The following LHCGR variants were observed in gnomAD, a reference collection of about 807,000 sequenced individuals.
LHCGR encodes the protein luteinizing hormone/choriogonadotropin receptor.
Under a neutral mutation model 60.7 loss-of-function variants are expected in LHCGR, and 55 were observed. That is an observed-to-expected ratio of 0.91 (90% CI 0.73 to 1.13). LHCGR has a LOEUF of 1.13. Among genes scored for constraint, LHCGR ranks in the 50% most tolerant of loss-of-function variants. The pLI, the probability that LHCGR is intolerant of heterozygous loss-of-function variation, is 0.00. For synonymous variants in LHCGR, 337 were observed against 316.5 expected (o/e 1.06, Z -0.69); for missense variants, 862 against 836.0 (o/e 1.03, Z -0.38).
At chr2:48,717,131 G>C (rs1465123148) in intron 6 of LHCGR, among the ~76,000 whole-genome samples, 1 of 152,178 alleles carries the variant, frequency 6.6e-6, no homozygotes, top group Non-Finnish European at 1.5e-5. Context: ...TCTAAGTGAT[G>C]ATCGCACTAC....
intron 8 of LHCGR, among the ~76,000 whole-genome samples, chr2:48,707,195 C>T (rs1018237129): frequency 6.6e-6 from 1 of 152,214 alleles, no homozygotes; most frequent in Admixed American, 6.5e-5. Context: ...CCACTCCGGA[C>T]TCTGTTTGCC....
At chr2:48,713,695 G>A (rs1008447443) in intron 7 of LHCGR, among the ~76,000 whole-genome samples, 13 of 152,156 alleles carry the variant, frequency 8.5e-5, no homozygotes, top group African/African-American at 3.1e-4. Flanking sequence ...ATCAACCTGA[G>A]TGAGGGGGCT....
chr2:48,740,542 C>A (rs936707868), intron 1 of LHCGR, among the ~76,000 whole-genome samples: 1 of 152,130 alleles, frequency 6.6e-6, no homozygotes, highest in Non-Finnish European at 1.5e-5. Context: ...CCCCTGACCC[C>A]TGAGCAGCCT....
rs528401282 is a variant in LHCGR, at chr2:48,697,217, T to C, written c.866+1398A>G. Among the ~76,000 whole-genome samples, 7 of 152,350 alleles carry C rather than the reference T, an allele frequency of 4.6e-5. No homozygotes were observed. The East Asian group carries it at 1.2e-3, about 25-fold the overall frequency. On this transcript the variant is annotated intron_variant, in intron 9 of 10. Coordinates refer to ENST00000294954, the MANE Select transcript of LHCGR (RefSeq NM_000233.4). ...TTCTATCTTCTTTGCTTTTTCTCACTCTGTCTAGACAACTCCTGCCTGTTC... is the reference window on the plus strand; with the variant it reads ...TTCTATCTTCTTTGCTTTTTCTCACCCTGTCTAGACAACTCCTGCCTGTTC...
intron 8 of LHCGR, among the ~76,000 whole-genome samples, chr2:48,701,460 T>C (rs1667404269): frequency 6.6e-6 from 1 of 152,326 alleles, no homozygotes; most frequent in Non-Finnish European, 1.5e-5. Flanking sequence ...CTCAGGCCTT[T>C]GCTTTTGCTG....
intron 3 of LHCGR, 40 bp from the exon 4 acceptor site, chr2:48,725,790 G>T: frequency 6.9e-7 from 1 of 1,448,820 alleles, no homozygotes. Flanking sequence ...CTGTTTAATA[G>T]ATGTGTATTG....
intron 6 of LHCGR, chr2:48,721,855 G>T: frequency 2.2e-6 from 1 of 460,724 alleles, no homozygotes; most frequent in Admixed American, 2.5e-5. Flanking sequence ...TGGGCTTTAG[G>T]TATAAAGAAA....
chr2:48,709,501 CT>C (rs1667874600), intron 7 of LHCGR, among the ~76,000 whole-genome samples: 2 of 152,144 alleles, frequency 1.3e-5, no homozygotes, highest in African/African-American at 4.8e-5. Context: ...AAAGTTATCC[CT>C]TTTGTAGTGT....
At chr2:48,714,185 C>T (rs910996204) in intron 6 of LHCGR, 131 bp from the exon 7 acceptor site, 27 of 702,052 alleles carry the variant, frequency 3.8e-5, no homozygotes, top group Non-Finnish European at 6.8e-5. Context: ...TCTCCATCAT[C>T]ACCACCACCA....
At chr2:48,730,505 T>C (rs1471812435) in intron 2 of LHCGR, among the ~76,000 whole-genome samples, 2 of 152,220 alleles carry the variant, frequency 1.3e-5, no homozygotes, top group Non-Finnish European at 2.9e-5. Flanking sequence ...TAGCATCTTC[T>C]TTAGAGATGC....
chr2:48,691,179 A>G (rs1340292330), intron 10 of LHCGR, among the ~76,000 whole-genome samples: 3 of 152,234 alleles, frequency 2.0e-5, no homozygotes, highest in African/African-American at 7.2e-5. Flanking sequence ...ACATATTATT[A>G]AAAGCATATT....
At chr2:48,690,206 T>C (rs1449853251) in intron 10 of LHCGR, among the ~76,000 whole-genome samples, 3 of 152,196 alleles carry the variant, frequency 2.0e-5, no homozygotes, top group East Asian at 1.9e-4. Flanking sequence ...TCCAAACTCA[T>C]TGTGATGACT....
Position 48,747,400 on chromosome 2 carries a change from G to A in LHCGR, c.161+8111C>T, listed in dbSNP as rs189625341. Among the ~76,000 whole-genome samples, 3 of 152,308 alleles carry A rather than the reference G, an allele frequency of 2.0e-5. No individual in the cohort carries two copies. In the East Asian group the frequency reaches 5.8e-4, roughly 29 times the overall value. On this transcript the variant is annotated intron_variant, in intron 1 of 10. Transcript: ENST00000294954. ...AGCCACTGTGCCTGAGAATGGGTTT[G>A]AAGTGCCTGAAATTACTGGCCTGTG...
intron 1 of LHCGR, among the ~76,000 whole-genome samples, chr2:48,752,996 GT>G (rs1349655763): frequency 0.011 from 873 of 78,186 alleles, 4 homozygotes; most frequent in Middle Eastern, 0.016. Flanking sequence ...GGGGGGGGGG[GT>G]GGGGAAGGGA....
Position 48,714,052 on chromosome 2 carries a change from T to C in LHCGR, c.539A>G (p.Lys180Arg). ...TTCTTCAAATCCATTTCCATATAGTTTGCTGAAGGAGGGAGGAGAGGGTTT... is the reference window on the plus strand; with the variant it reads ...TTCTTCAAATCCATTTCCATATAGTCTGCTGAAGGAGGGAGGAGAGGGTTT... Reference protein sequence around the residue: ...QGMNNESVTLKLYGNGFEEVQ... With the variant: ...QGMNNESVTLRLYGNGFEEVQ... Residue 180 changes from lysine to arginine, a missense_variant and splice_region_variant, in exon 7 of 11, where the codon AAA becomes AGA. Physicochemically the swap from Lys to Arg is conservative, Grantham distance 26. Transcript: ENST00000294954. The C allele has an allele frequency of 3.7e-6, 6 of 1,611,802 alleles. No individual in the cohort carries two copies. The highest frequency in any genetic ancestry group is 5.1e-6 in the Non-Finnish European group (6 of 1,177,962).
chr2:48,690,830 T>A (rs1375246134), intron 10 of LHCGR, among the ~76,000 whole-genome samples: 1 of 152,370 alleles, frequency 6.6e-6, no homozygotes, highest in East Asian at 1.9e-4. Context: ...TCTTTAATTG[T>A]CTAATCACTT....
intron 2 of LHCGR, among the ~76,000 whole-genome samples, chr2:48,730,246 T>C (rs1411606423): frequency 1.3e-5 from 2 of 152,208 alleles, no homozygotes; most frequent in South Asian, 4.1e-4. Context: ...TACCTATTGG[T>C]TTGCTTATTT....
At chr2:48,702,976 A>C (rs888744932) in intron 8 of LHCGR, among the ~76,000 whole-genome samples, 3 of 152,230 alleles carry the variant, frequency 2.0e-5, no homozygotes, top group African/African-American at 7.2e-5. Context: ...AACTGGCATG[A>C]GATGGTATCT....
Position 48,695,275 on chromosome 2 carries a change from C to T in LHCGR, c.867-971G>A, listed in dbSNP as rs117866227. 3.7e-4 allele frequency among the ~76,000 whole-genome samples: 56 copies of T among 152,088 alleles called. No individual in the cohort carries two copies. The East Asian group carries it at 9.5e-3, about 26-fold the overall frequency. On this transcript the variant is annotated intron_variant, in intron 9 of 10. Transcript: ENST00000294954. ...TTACTCTGTTGATAGTTTCTTTTGC[C>T]GTGTGGAAGCTCTGTAGTCTAATTA...
Sources: allele counts gnomAD v4.1 joint callset (sites outside exome capture counted in the v4.1 genomes callset), GRCh38; gene constraint gnomAD v4.1.1; transcripts MANE v1.5; gene names NCBI Gene and HGNC (gene_info 2026-07-23, HGNC 2026-07-21).